The following SLC47A2 variants were observed in gnomAD, a reference collection of about 807,000 sequenced individuals.
The protein encoded by SLC47A2 is solute carrier family 47 member 2, also known as multidrug and toxin extrusion protein 2.
A neutral mutation model predicts 67.7 loss-of-function variants in SLC47A2; 52 were observed. That is an observed-to-expected ratio of 0.77 (90% CI 0.61 to 0.97). The LOEUF is 0.97. Ranked by LOEUF, SLC47A2 falls within the 50% of genes least tolerant of loss-of-function variation. SLC47A2 has a pLI of 0.00. For synonymous variants in SLC47A2, 278 were observed against 292.9 expected (o/e 0.95, Z 0.52); for missense variants, 676 against 712.3 (o/e 0.95, Z 0.58).
chr17:19,681,759 ATGGCATTGC>A, intron 13 of SLC47A2, 89 bp from the exon 14 acceptor site: 1 of 1,485,482 alleles, frequency 6.7e-7, no homozygotes, highest in Non-Finnish European at 9.1e-7. Flanking sequence ...AGCCATTCGC[ATGGCATTGC>A]TTCACTGAGT....
chr17:19,694,936 C>T (rs992042351), intron 13 of SLC47A2, among the ~76,000 whole-genome samples: 2 of 144,444 alleles, frequency 1.4e-5, no homozygotes, highest in Non-Finnish European at 3.0e-5. Flanking sequence ...AAAAAAGGAT[C>T]ATAAACCTAA....
chr17:19,699,496 T>C (rs912758926), intron 13 of SLC47A2, among the ~76,000 whole-genome samples: 1 of 152,066 alleles, frequency 6.6e-6, no homozygotes, highest in African/African-American at 2.4e-5. Context: ...TCCTCCTGCC[T>C]CAGCCTCCCA....
rs760928299 is a variant in SLC47A2, at chr17:19,715,697, G to GTTTTTTTTTTTTTTTTTTTTT, written c.124-481_124-480insAAAAAAAAAAAAAAAAAAAAA. ...AATTCCATTACTCCTTTTTGGTTTT[G>GTTTTTTTTTTTTTTTTTTTTT]TTTTTTTTGTTTTTTTTTTTTTTTT... On this transcript the variant is annotated intron_variant, in intron 1 of 16. Transcript: ENST00000433844. 2 of 99,472 alleles carry GTTTTTTTTTTTTTTTTTTTTT rather than the reference G, an allele frequency of 2.0e-5. 1 individual carries two copies. The highest frequency in any genetic ancestry group is 7.1e-4 in the East Asian group (2 of 2,808). The allele number at this position is 99,472 out of a possible 1,614,324, so 6.2% of individuals were successfully genotyped here.
intron 11 of SLC47A2, 96 bp downstream of exon 11, chr17:19,703,974 A>G (rs2085857341): frequency 1.1e-6 from 1 of 927,894 alleles, no homozygotes; most frequent in African/African-American, 1.7e-5. Context: ...GCAGCTCCCG[A>G]GGCCAGCCCT....
intron 13 of SLC47A2, among the ~76,000 whole-genome samples, chr17:19,691,824 C>A (rs914499727): frequency 3.9e-5 from 6 of 152,184 alleles, no homozygotes; most frequent in African/African-American, 1.4e-4. Flanking sequence ...TTAGGCATTG[C>A]ATGCCTTATC....
chr17:19,696,464 A>C (rs2085667278), intron 13 of SLC47A2, among the ~76,000 whole-genome samples: 2 of 148,036 alleles, frequency 1.4e-5, no homozygotes, highest in Admixed American at 1.3e-4. Flanking sequence ...CCATCTCAAA[A>C]AAAAAAAAAA....
In SLC47A2 at chr17:19,678,594, C is replaced by G; in HGVS notation, c.*92G>C. ...GAGTGGTTCAAAGTGTCCACCTGCA[C>G]TAGACCCCATTGGTGTTTTTGCAGG... On this transcript the variant is annotated 3_prime_UTR_variant, in exon 17 of 17. Coordinates refer to ENST00000433844, the MANE Select transcript of SLC47A2 (RefSeq NM_001099646.3). The G allele has an allele frequency of 7.4e-7, 1 of 1,349,538 alleles. No individual in the cohort carries two copies. The highest frequency in any genetic ancestry group is 1.2e-5 in the South Asian group (1 of 81,342). The allele number at this position is 1,349,538 out of a possible 1,614,324, so 83.6% of individuals were successfully genotyped here.
At chr17:19,704,036 G>A (rs760314902) in intron 11 of SLC47A2, 34 bp downstream of exon 11, 14 of 1,542,440 alleles carry the variant, frequency 9.1e-6, no homozygotes, top group East Asian at 2.3e-5. Flanking sequence ...TCAGGCCAAC[G>A]TTTGAAGGCC....
chr17:19,681,705 A>G, intron 13 of SLC47A2, 35 bp from the exon 14 acceptor site: 1 of 1,589,654 alleles, frequency 6.3e-7, no homozygotes, highest in Non-Finnish European at 8.6e-7. Context: ...AAGAGTCAGG[A>G]TGATGAGACT....
rs1490088733 is a variant in SLC47A2 at position 19,685,768 on chromosome 17, C to G, written c.1165-4098G>C. On this transcript the variant is annotated intron_variant, in intron 13 of 16. Transcript: ENST00000433844. The surrounding 1 kb of genome is among the most constrained non-coding windows in gnomAD (Gnocchi z 4.5). ...TATCCTATGACCCTGCCACATCCCC[C>G]TCTCTGAGAAACACCCAAAAATGAT... 1.3e-5 allele frequency among the ~76,000 whole-genome samples: 2 copies of G among 152,110 alleles called. No individual in the cohort carries two copies. The highest frequency in any genetic ancestry group is 3.9e-4 in the East Asian group (2 of 5,184).
chr17:19,705,242 G>C (rs2085898378), intron 10 of SLC47A2, 194 bp downstream of exon 10: 1 of 498,610 alleles, frequency 2.0e-6, no homozygotes. Context: ...ATCACCCTTG[G>C]TCGTCAGGTT....
intron 6 of SLC47A2, 30 bp downstream of exon 6, chr17:19,708,686 A>G (rs2086014392): frequency 6.2e-7 from 1 of 1,613,406 alleles, no homozygotes; most frequent in South Asian, 1.1e-5. Context: ...TGCTGGGAGA[A>G]GGGCCTCCCC....
chr17:19,704,442 A>T (rs1371605868), intron 10 of SLC47A2, among the ~76,000 whole-genome samples: 1 of 152,268 alleles, frequency 6.6e-6, no homozygotes, highest in Admixed American at 6.5e-5. Context: ...GGGCCTTGCA[A>T]CCGAAATCAC....
In SLC47A2 at chr17:19,704,051, A is replaced by G. The variant is rs1208998707; in HGVS notation, c.1018+19T>C. The G allele has an allele frequency of 6.3e-6, 10 of 1,583,268 alleles. No homozygotes were observed. The East Asian group carries it at 2.3e-4, about 36-fold the overall frequency. Reference sequence around the variant, plus strand: ...TCAGGCCAACGTTTGAAGGCCCACCAGGAGAGGACTCCACCTACCTATGCT... The same window carrying G: ...TCAGGCCAACGTTTGAAGGCCCACCGGGAGAGGACTCCACCTACCTATGCT... On this transcript the variant is annotated intron_variant, in intron 11 of 16. Transcript: ENST00000433844.
intron 6 of SLC47A2, 68 bp downstream of exon 6, chr17:19,708,648 G>A: frequency 1.2e-6 from 2 of 1,603,772 alleles, no homozygotes; most frequent in South Asian, 2.2e-5. Context: ...AAAGCCCCAG[G>A]CCCCCCTCCC....
chr17:19,700,095 C>G (rs2152347957), intron 13 of SLC47A2, among the ~76,000 whole-genome samples: 1 of 152,236 alleles, frequency 6.6e-6, no homozygotes, highest in East Asian at 1.9e-4. Flanking sequence ...GTGGATTGCC[C>G]AGGGCAGGAG....
In SLC47A2 at chr17:19,680,015, G is replaced by T. The variant is rs142971549; in HGVS notation, c.1417C>A (p.Gln473Lys). Residue 473 changes from glutamine to lysine, a missense_variant, in exon 16 of 17, where the codon CAG becomes AAG. Transcript: ENST00000433844. Reference protein sequence around the residue: ...EEAKKHSGRQQQQRAESTATR... With the variant: ...EEAKKHSGRQKQQRAESTATR... ...GCAGTGCTCTCTGCTCTCTGCTGCT[G>T]CTGCCGGCCTGAATGTTTCTTAGCC... is the stretch of plus-strand genomic sequence containing the variant. The T allele has an allele frequency of 5.7e-5, 92 of 1,613,916 alleles. No homozygotes were observed. Among genetic ancestry groups the T allele is most frequent in the Middle Eastern group, 3.3e-4 (2 of 6,080 alleles).
At chr17:19,716,097 C>G (rs539506027) in intron 1 of SLC47A2, 2 of 262,940 alleles carry the variant, frequency 7.6e-6, no homozygotes, top group Non-Finnish European at 1.4e-5. Context: ...CTTCCCCCTG[C>G]GAAGGTGCTG....
chr17:19,717,544 G>A (rs1410460351), upstream of SLC47A2: 2 of 152,530 alleles, frequency 1.3e-5, no homozygotes, highest in African/African-American at 4.8e-5. Context: ...GAAGACAGCA[G>A]GCAGGCTGGC....
Sources: allele counts gnomAD v4.1 joint callset (sites outside exome capture counted in the v4.1 genomes callset), GRCh38; gene constraint gnomAD v4.1.1; non-coding constraint Gnocchi (gnomAD v3.1); transcripts MANE v1.5; gene names NCBI Gene and HGNC (gene_info 2026-07-23, HGNC 2026-07-21).